Variants in ISG20 observed in about 807,000 individuals in gnomAD.
ISG20 encodes the protein interferon stimulated exonuclease gene 20.
Under a neutral mutation model 11.1 loss-of-function variants are expected in ISG20, and 8 were observed. The observed-to-expected ratio is 0.72, with a 90% confidence interval of 0.42 to 1.30. ISG20 has a LOEUF of 1.30. Among genes scored for constraint, ISG20 ranks in the 50% most tolerant of loss-of-function variants. The pLI is 0.01. For synonymous variants in ISG20, 110 were observed against 101.7 expected (o/e 1.08, Z -0.49); for missense variants, 243 against 250.2 (o/e 0.97, Z 0.19).
chr15:88,647,616 C>T (rs968848266), intron 2 of ISG20: 1 of 152,176 alleles, frequency 6.6e-6, no homozygotes, highest in Non-Finnish European at 1.5e-5. Flanking sequence ...CAGTGATTTG[C>T]CTAAGGACAT....
chr15:88,646,253 G>A (rs1010568285), intron 2 of ISG20, among the ~76,000 whole-genome samples: 5 of 152,190 alleles, frequency 3.3e-5, no homozygotes, highest in African/African-American at 7.2e-5. Context: ...TGGCCCAGGT[G>A]CTATTCTGAG....
intron 3 of ISG20, among the ~76,000 whole-genome samples, chr15:88,652,563 TCCTCCC>T (rs1242964023): frequency 1.4e-4 from 4 of 27,914 alleles, no homozygotes; most frequent in East Asian, 2.8e-3. Context: ...CTCCCCTTCC[TCCTCCC>T]CCTCCCCCTC....
intron 2 of ISG20, chr15:88,648,389 T>C (rs2058214631): frequency 6.6e-6 from 1 of 152,192 alleles, no homozygotes; most frequent in Admixed American, 6.5e-5. Context: ...CCTCCTGGAT[T>C]TTTGGATCAG....
intron 2 of ISG20, among the ~76,000 whole-genome samples, chr15:88,640,808 A>T (rs1446167280): frequency 6.6e-6 from 1 of 151,962 alleles, no homozygotes; most frequent in African/African-American, 2.4e-5. Flanking sequence ...TACAAAAAAA[A>T]GTACAAAAAT....
intron 3 of ISG20, 47 bp downstream of exon 3, chr15:88,652,357 T>TC (rs778376078): frequency 3.7e-6 from 3 of 814,240 alleles, no homozygotes; most frequent in Non-Finnish European, 4.9e-6. Flanking sequence ...CTCCCCCTCC[T>TC]CCCCCTCCTC....
rs1353379773 is a variant in ISG20, at chr15:88,639,923, T to G, written c.228+329T>G. Among the ~76,000 whole-genome samples, 1 of 152,210 alleles carries G rather than the reference T, an allele frequency of 6.6e-6. No individual in the cohort carries two copies. Among genetic ancestry groups the G allele is most frequent in the Non-Finnish European group, 1.5e-5 (1 of 68,020 alleles). ...TCTTCCCTCTACCCCAGGCTGCCACTGGTGAGACCTGTGGGGAAATGAGAG... is the reference window on the plus strand; with the variant it reads ...TCTTCCCTCTACCCCAGGCTGCCACGGGTGAGACCTGTGGGGAAATGAGAG... On this transcript the variant is annotated intron_variant, in intron 2 of 3. Coordinates refer to ENST00000306072, the MANE Select transcript of ISG20 (RefSeq NM_002201.6). This position sits in a 1 kb window ranked among gnomAD's most constrained non-coding sequence, Gnocchi z 4.2.
At position 88,639,059 on chromosome 15, in the gene ISG20, G is replaced by T; in HGVS notation, c.-42G>T. On this transcript the variant is annotated 5_prime_UTR_variant, in exon 1 of 4. It adds an upstream start codon to the 5' untranslated region. Coordinates refer to ENST00000306072, the MANE Select transcript of ISG20 (RefSeq NM_002201.6). The surrounding 1 kb of genome is among the most constrained non-coding windows in gnomAD (Gnocchi z 4.2). ...CAGCAGAGAGGCAGACGTGAGCTGA[G>T]GGCGCAGAGGCAGGCAGGTGAGAGC... is the stretch of plus-strand genomic sequence containing the variant. 1 of 488,944 alleles carries T rather than the reference G, an allele frequency of 2.0e-6. No individual in the cohort carries two copies. The highest frequency in any genetic ancestry group is 3.7e-6 in the Non-Finnish European group (1 of 272,860). 30.3% of individuals were successfully genotyped at this position (488,944 alleles called of 1,614,324 possible).
chr15:88,641,393 T>C (rs1214007253), intron 2 of ISG20, among the ~76,000 whole-genome samples: 1 of 152,176 alleles, frequency 6.6e-6, no homozygotes, highest in Non-Finnish European at 1.5e-5. Flanking sequence ...CACTGGTGGC[T>C]TAAACAACAG....
chr15:88,655,104 C>T (rs1041417937), intron 3 of ISG20, among the ~76,000 whole-genome samples: 1 of 152,288 alleles, frequency 6.6e-6, no homozygotes, highest in East Asian at 1.9e-4. Flanking sequence ...GTTAGAGCTG[C>T]TGCAGCCACT....
chr15:88,636,930 G>A (rs1040151259), upstream of ISG20, among the ~76,000 whole-genome samples: 1 of 152,224 alleles, frequency 6.6e-6, no homozygotes, highest in Admixed American at 6.5e-5. Context: ...GACCTTTCAA[G>A]AGTAAGGGGA....
intron 2 of ISG20, among the ~76,000 whole-genome samples, chr15:88,642,260 A>T (rs1017348796): frequency 6.6e-6 from 1 of 152,096 alleles, no homozygotes; most frequent in Non-Finnish European, 1.5e-5. Context: ...CACCAATCAT[A>T]TTGGATTATG....
At position 88,639,643 on chromosome 15, in the gene ISG20, ACTTCCCTGGCCCCT is replaced by A; in HGVS notation, c.228+59_228+72del. The A allele has an allele frequency of 1.4e-6, 2 of 1,451,926 alleles. No individual in the cohort carries two copies. Among genetic ancestry groups the A allele is most frequent in the Non-Finnish European group, 1.9e-6 (2 of 1,038,226 alleles). 89.9% of individuals were successfully genotyped at this position (1,451,926 alleles called of 1,614,324 possible). On this transcript the variant is annotated intron_variant, in intron 2 of 3. Coordinates refer to ENST00000306072, the MANE Select transcript of ISG20 (RefSeq NM_002201.6). The surrounding 1 kb of genome is among the most constrained non-coding windows in gnomAD (Gnocchi z 4.2). ...GGGCTTTGGAAATAACCCCTCTCCCACTTCCCTGGCCCCTCTTCCCTGGTGCCCATCTGTGACCT... is the reference window on the plus strand; with the variant it reads ...GGGCTTTGGAAATAACCCCTCTCCCACTTCCCTGGTGCCCATCTGTGACCT...
intron 2 of ISG20, chr15:88,651,179 G>A: frequency 1.0e-6 from 1 of 984,386 alleles, no homozygotes. Context: ...GAGTGTCAAG[G>A]AATTTGCAAA....
intron 2 of ISG20, chr15:88,651,727 G>T: frequency 1.0e-6 from 1 of 975,246 alleles, no homozygotes; most frequent in Non-Finnish European, 1.2e-6. Flanking sequence ...CTGGGGACTA[G>T]GGTGTGGACA....
chr15:88,651,816 T>G, intron 2 of ISG20: 1 of 1,257,286 alleles, frequency 8.0e-7, no homozygotes, highest in Admixed American at 3.7e-5. Context: ...TGACGTATGT[T>G]GAGGCACGCT....
At chr15:88,644,593 C>A (rs1033932426) in intron 2 of ISG20, among the ~76,000 whole-genome samples, 8 of 147,258 alleles carry the variant, frequency 5.4e-5, no homozygotes, top group South Asian at 2.2e-4. Flanking sequence ...GGAGCAGTTA[C>A]AAGGGCCTGC....
At chr15:88,651,345 C>T (rs1027821693) in intron 2 of ISG20, 3 of 936,162 alleles carry the variant, frequency 3.2e-6, no homozygotes, top group East Asian at 1.2e-4. Flanking sequence ...TTCACAGCAA[C>T]ACAGATGTCT....
At position 88,639,471 on chromosome 15, in the gene ISG20, T is replaced by C. The variant is rs35008759; in HGVS notation, c.105T>C (p.Gly35=). 0.024 allele frequency: 37,990 copies of C among 1,614,030 alleles called. 618 individuals are homozygous for C. Among genetic ancestry groups the C allele is most frequent in the Non-Finnish European group, 0.026 (30,624 of 1,179,956 alleles). ...GTTGCAGCCTCGTGAACGTCCACGGTGCTGTGCTGTACGACAAGTTCATCC... is the reference window on the plus strand; with the variant it reads ...GTTGCAGCCTCGTGAACGTCCACGGCGCTGTGCTGTACGACAAGTTCATCC... The part of the protein sequence containing the change: ...LARCSLVNVH[G]AVLYDKFIRP... Residue 35 remains glycine, a synonymous_variant, in exon 2 of 4, where the codon GGT becomes GGC. Coordinates refer to ENST00000306072, the MANE Select transcript of ISG20 (RefSeq NM_002201.6). The surrounding 1 kb of genome is among the most constrained non-coding windows in gnomAD (Gnocchi z 4.2).
chr15:88,651,415 T>G, intron 2 of ISG20: 1 of 477,204 alleles, frequency 2.1e-6, no homozygotes, highest in Non-Finnish European at 2.7e-6. Flanking sequence ...AAAATCAAAG[T>G]GTCAGTGGGG....
Sources: allele counts gnomAD v4.1 joint callset (sites outside exome capture counted in the v4.1 genomes callset), GRCh38; gene constraint gnomAD v4.1.1; non-coding constraint Gnocchi (gnomAD v3.1); transcripts MANE v1.5; gene names NCBI Gene and HGNC (gene_info 2026-07-23, HGNC 2026-07-21).